CENPP: variants seen among roughly 807,000 people sequenced by gnomAD.
CENPP encodes the protein centromere protein P.
In CENPP, 24 loss-of-function variants were observed where a neutral mutation model predicts 35.6. The ratio of observed to expected loss-of-function variants is 0.67; its 90% CI spans 0.49 to 0.95. The LOEUF (loss-of-function observed/expected upper bound fraction) is 0.95. Ranked by LOEUF, CENPP falls within the 40% of genes least tolerant of loss-of-function variation. CENPP has a pLI of 0.00. For missense variants in CENPP, 332 were observed against 345.3 expected, an observed-to-expected ratio of 0.96 and a Z score of 0.31; for synonymous variants, 120 against 125.5, an observed-to-expected ratio of 0.96 and a Z score of 0.29.
At chr9:92,342,697 A>C (rs1034714040) in intron 3 of CENPP, among the ~76,000 whole-genome samples, 1 of 152,258 alleles carries the variant, frequency 6.6e-6, no homozygotes, top group Non-Finnish European at 1.5e-5. Context: ...AAGAGTTCTT[A>C]CTTGGGGAGG....
At chr9:92,381,687 A>G (rs1287074713) in intron 5 of CENPP, among the ~76,000 whole-genome samples, 1 of 152,204 alleles carries the variant, frequency 6.6e-6, no homozygotes, top group East Asian at 1.9e-4. Context: ...TGCTGTGAAC[A>G]TTAGTGTACT....
At chr9:92,576,788 C>T (rs1850293278) in intron 5 of CENPP, among the ~76,000 whole-genome samples, 1 of 152,080 alleles carries the variant, frequency 6.6e-6, no homozygotes, top group African/African-American at 2.4e-5. Context: ...CAGGCATGAG[C>T]CACCATGCCA....
intron 5 of CENPP, among the ~76,000 whole-genome samples, chr9:92,460,980 G>A (rs1022587835): frequency 2.0e-5 from 3 of 152,032 alleles, no homozygotes; most frequent in Admixed American, 2.0e-4. Flanking sequence ...CACCCAGCCT[G>A]GTACCTACTT....
intron 5 of CENPP, among the ~76,000 whole-genome samples, chr9:92,583,468 T>C (rs1346336265): frequency 6.6e-6 from 1 of 152,242 alleles, no homozygotes; most frequent in Non-Finnish European, 1.5e-5. Context: ...TTTCATTCAC[T>C]TATAGCATAT....
At chr9:92,373,063 T>G (rs72752427) in intron 4 of CENPP, among the ~76,000 whole-genome samples, 4,670 of 152,204 alleles carry the variant, frequency 0.031, 113 homozygotes, top group South Asian at 0.084. Flanking sequence ...TATTTGCCCT[T>G]GAGTATACTG....
rs181576555 is a variant in CENPP, at chr9:92,600,872, G to T, written c.565-10442G>T. On this transcript the variant is annotated intron_variant, in intron 5 of 7. Transcript: ENST00000375587. Reference sequence around the variant, plus strand: ...TTTTGTGGATGGTCTTGTGGATGGTGCAGGTCCCCTGAGGGGTCCTTCCTG... The same window carrying T: ...TTTTGTGGATGGTCTTGTGGATGGTTCAGGTCCCCTGAGGGGTCCTTCCTG... Among the ~76,000 whole-genome samples the T allele has an allele frequency of 1.4e-3, 216 of 152,328 alleles. 1 individual carries two copies. Among genetic ancestry groups the T allele is most frequent in the African/African-American group, 5.0e-3 (206 of 41,570 alleles).
intron 5 of CENPP, among the ~76,000 whole-genome samples, chr9:92,547,792 G>A (rs1849503917): frequency 6.6e-6 from 1 of 152,170 alleles, no homozygotes; most frequent in South Asian, 2.1e-4. Flanking sequence ...TAAAGTATGC[G>A]TTTTATGGTA....
intron 5 of CENPP, among the ~76,000 whole-genome samples, chr9:92,493,248 G>A (rs751645422): frequency 3.3e-5 from 5 of 152,198 alleles, no homozygotes; most frequent in African/African-American, 7.2e-5. Context: ...TTCCTTATCA[G>A]TGACATGAAA....
intron 5 of CENPP, among the ~76,000 whole-genome samples, chr9:92,529,436 C>T (rs1848610116): frequency 6.6e-6 from 1 of 152,102 alleles, no homozygotes; most frequent in African/African-American, 2.4e-5. Context: ...GCCATACAAC[C>T]CAGCAATCGT....
chr9:92,431,226 TC>T (rs1844100958), intron 5 of CENPP, among the ~76,000 whole-genome samples: 1 of 152,228 alleles, frequency 6.6e-6, no homozygotes, highest in Admixed American at 6.5e-5. Flanking sequence ...AGTCCACCTT[TC>T]CCCTATCAAA....
At chr9:92,580,094 T>C (rs1850384175) in intron 5 of CENPP, among the ~76,000 whole-genome samples, 1 of 152,122 alleles carries the variant, frequency 6.6e-6, no homozygotes, top group Non-Finnish European at 1.5e-5. Flanking sequence ...GTTTATATGC[T>C]GGATTACATT....
chr9:92,432,678 A>G (rs1002894505), intron 5 of CENPP, among the ~76,000 whole-genome samples: 2 of 152,238 alleles, frequency 1.3e-5, no homozygotes, highest in Non-Finnish European at 2.9e-5. Context: ...GCAAAGTCCC[A>G]AAATTATATA....
chr9:92,495,655 A>C, intron 5 of CENPP: 1 of 906,088 alleles, frequency 1.1e-6, no homozygotes, highest in Non-Finnish European at 1.3e-6. Flanking sequence ...AAGAGTATAG[A>C]ATTTATGCAC....
intron 5 of CENPP, among the ~76,000 whole-genome samples, chr9:92,437,133 C>T (rs1313608028): frequency 7.2e-5 from 11 of 152,056 alleles, no homozygotes; most frequent in African/African-American, 4.8e-5. Flanking sequence ...ACCCAGGGGT[C>T]GGAGGTTGCA....
At chr9:92,343,589 T>G (rs554355412) in intron 3 of CENPP, among the ~76,000 whole-genome samples, 75 of 152,300 alleles carry the variant, frequency 4.9e-4, no homozygotes, top group African/African-American at 1.7e-3. Flanking sequence ...TGTTTGATAT[T>G]AATGACATTT....
intron 5 of CENPP, among the ~76,000 whole-genome samples, chr9:92,478,013 T>G (rs1845773298): frequency 6.6e-6 from 1 of 152,072 alleles, no homozygotes; most frequent in Non-Finnish European, 1.5e-5. Flanking sequence ...CCAATAGAAC[T>G]AAAGACATTT....
chr9:92,342,351 G>A (rs574422762), intron 3 of CENPP, among the ~76,000 whole-genome samples: 137 of 152,336 alleles, frequency 9.0e-4, no homozygotes, highest in Middle Eastern at 3.4e-3. Context: ...ATGCTTTAGC[G>A]GATGCAGGGG....
At chr9:92,363,318 A>G (rs897763898) in intron 4 of CENPP, among the ~76,000 whole-genome samples, 1 of 152,216 alleles carries the variant, frequency 6.6e-6, no homozygotes, top group Non-Finnish European at 1.5e-5. Context: ...CATGTGCCGC[A>G]TAACTACTTT....
In CENPP at chr9:92,500,251, C is replaced by T. The variant is rs563644317; in HGVS notation, c.565-111063C>T. ...AGGCTGGAGTGCAGTGGCACCATCC[C>T]GGCTCACTGCAACCTCTGCCTCCCA... On this transcript the variant is annotated intron_variant, in intron 5 of 7. Transcript: ENST00000375587. Among the ~76,000 whole-genome samples, 7 of 152,208 alleles carry T rather than the reference C, an allele frequency of 4.6e-5. No homozygotes were observed. In the South Asian group the frequency reaches 6.2e-4, roughly 14 times the overall value.
Sources: gnomAD v4.1 joint callset for allele counts (sites outside exome capture counted in the v4.1 genomes callset) on GRCh38, gnomAD v4.1.1 for gene constraint, MANE v1.5 for transcripts, NCBI Gene and HGNC (gene_info 2026-07-23, HGNC 2026-07-21) for gene names.